ZNF431: variants seen among roughly 807,000 people sequenced by gnomAD.
ZNF431 encodes the protein zinc finger protein 431.
ZNF431 carries 34 observed loss-of-function variants against 57.0 expected under a neutral mutation model. The ratio of observed to expected loss-of-function variants is 0.60; its 90% CI spans 0.45 to 0.79. ZNF431 has a LOEUF of 0.79. ZNF431 is among the 30% of genes least tolerant of loss of function. The probability of loss-of-function intolerance (pLI) is 0.00; values close to 1 mark genes in which losing one functional copy is unlikely to be tolerated. For missense variants in ZNF431, 607 were observed against 667.1 expected (o/e 0.91, Z 0.99); for synonymous variants, 207 against 220.3 (o/e 0.94, Z 0.54).
chr19:21,172,590 C>G (rs1293612169), intron 4 of ZNF431, among the ~76,000 whole-genome samples: 2 of 152,042 alleles, frequency 1.3e-5, no homozygotes, highest in African/African-American at 4.8e-5. Context: ...CATTTGAGCC[C>G]CAAAGTTTGA....
chr19:21,151,646 G>A (rs942163670), intron 2 of ZNF431, among the ~76,000 whole-genome samples: 2 of 152,146 alleles, frequency 1.3e-5, no homozygotes, highest in African/African-American at 4.8e-5. Flanking sequence ...ACAAGGTGGA[G>A]CTTCCAAGGC....
chr19:21,183,169 G>T lies in ZNF431; in HGVS notation c.866G>T (p.Arg289Ile), dbSNP rs879123758. 6.2e-7 allele frequency: 1 copy of T among 1,609,854 alleles called. No homozygotes were observed. Among genetic ancestry groups the T allele is most frequent in the Admixed American group, 1.7e-5 (1 of 59,576 alleles). Reference protein sequence around the residue: ...KIIHTGEKPYRCEECGKAFNR... With the variant: ...KIIHTGEKPYICEECGKAFNR... The stretch of plus-strand genomic sequence containing the variant: ...ATTCATACTGGGGAGAAACCATATA[G>T]ATGTGAAGAATGTGGCAAAGCCTTC... Residue 289 changes from arginine to isoleucine, a missense_variant, in exon 5 of 5, where the codon AGA becomes ATA. Coordinates refer to ENST00000311048, the MANE Select transcript of ZNF431 (RefSeq NM_133473.4).
chr19:21,164,956 CA>C (rs1970676913), intron 2 of ZNF431, among the ~76,000 whole-genome samples: 1 of 150,928 alleles, frequency 6.6e-6, no homozygotes, highest in African/African-American at 2.5e-5. Context: ...ACTAAAAATA[CA>C]AAATTAGACA....
rs1206402697 is a variant in ZNF431 at position 21,190,518 on chromosome 19, T to TAGAAA, written c.*6485_*6486insGAAAA. The TAGAAA allele has an allele frequency of 2.6e-5, 4 of 152,190 alleles. No homozygotes were observed. Among genetic ancestry groups the TAGAAA allele is most frequent in the African/African-American group, 9.6e-5 (4 of 41,460 alleles). The allele number at this position is 152,190 out of a possible 1,614,324, so 9.4% of individuals were successfully genotyped here. A position where few individuals can be genotyped will look rare whatever the true frequency, so the allele number is the denominator to read the frequency against. On this transcript the variant is annotated 3_prime_UTR_variant, in exon 5 of 5. Transcript: ENST00000311048. ...TTTTTCTTTTTCTTTTAATAAGAGTTATTCTAACAGGAATGAGTTGATATA... is the reference window on the plus strand; with the variant it reads ...TTTTTCTTTTTCTTTTAATAAGAGTTAGAAAATTCTAACAGGAATGAGTTGATATA...
chr19:21,181,355 G>A (rs1971206176), intron 4 of ZNF431, among the ~76,000 whole-genome samples: 1 of 152,070 alleles, frequency 6.6e-6, no homozygotes, highest in South Asian at 2.1e-4. Flanking sequence ...CAGATATGCT[G>A]ATGGTATTAT....
chr19:21,161,964 G>A (rs752939485), intron 2 of ZNF431, among the ~76,000 whole-genome samples: 8 of 151,462 alleles, frequency 5.3e-5, no homozygotes, highest in Non-Finnish European at 1.0e-4. Context: ...TTCACCCCTT[G>A]TTTTTTGTTT....
At chr19:21,166,613 G>T (rs754604535) in intron 3 of ZNF431, 152 bp downstream of exon 3, 3 of 979,862 alleles carry the variant, frequency 3.1e-6, no homozygotes, top group Non-Finnish European at 4.4e-6. Flanking sequence ...GTGTGGAAAA[G>T]AATTTCTTCA....
In ZNF431 at chr19:21,191,790, A is replaced by T. The variant is rs1319656505; in HGVS notation, c.*7756A>T. ...ATACTGTTGGTTACCATAGCTATGT[A>T]GTGTATTTCAAAGTTAGTCACTTCT... On this transcript the variant is annotated 3_prime_UTR_variant, in exon 5 of 5. Coordinates refer to ENST00000311048, the MANE Select transcript of ZNF431 (RefSeq NM_133473.4). 1 of 152,074 alleles carries T rather than the reference A, an allele frequency of 6.6e-6. No individual in the cohort carries two copies. Among genetic ancestry groups the T allele is most frequent in the Non-Finnish European group, 1.5e-5 (1 of 68,018 alleles). 9.4% of individuals were successfully genotyped at this position (152,074 alleles called of 1,614,324 possible). A position where few individuals can be genotyped will look rare whatever the true frequency, so the allele number is the denominator to read the frequency against.
intron 2 of ZNF431, among the ~76,000 whole-genome samples, chr19:21,146,786 A>G (rs1970110385): frequency 6.6e-6 from 1 of 152,134 alleles, no homozygotes; most frequent in African/African-American, 2.4e-5. Context: ...TAGAATGCCT[A>G]ACCATCCAGG....
At chr19:21,165,616 A>C (rs1364790635) in intron 2 of ZNF431, among the ~76,000 whole-genome samples, 1 of 152,128 alleles carries the variant, frequency 6.6e-6, no homozygotes, top group Non-Finnish European at 1.5e-5. Context: ...CTATAGAGTT[A>C]ATTATTTTTA....
At chr19:21,163,544 C>T (rs150674740) in intron 2 of ZNF431, among the ~76,000 whole-genome samples, 45 of 152,238 alleles carry the variant, frequency 3.0e-4, no homozygotes, top group African/African-American at 1.0e-3. Flanking sequence ...TTTTTTGAGA[C>T]GGAGTCTCGC....
At position 21,183,120 on chromosome 19, in the gene ZNF431, T is replaced by A. The variant is rs375344529; in HGVS notation, c.817T>A (p.Ser273Thr). 1 of 1,613,784 alleles carries A rather than the reference T, an allele frequency of 6.2e-7. No homozygotes were observed. The highest frequency in any genetic ancestry group is 8.5e-7 in the Non-Finnish European group (1 of 1,179,932). Residue 273 changes from serine (S) to threonine (T), a missense_variant, in exon 5 of 5, where the codon TCA (serine) becomes ACA (threonine). Ser to Thr is a moderately conservative substitution (Grantham distance 58). Coordinates refer to ENST00000311048, the MANE Select transcript of ZNF431 (RefSeq NM_133473.4). Reference sequence around the variant, plus strand: ...ATGTGGCAAAGCTTTTAAGCAGTCCTCAACCCTTACTACACATAAGATAAT... The same window carrying A: ...ATGTGGCAAAGCTTTTAAGCAGTCCACAACCCTTACTACACATAAGATAAT... ...EECGKAFKQS[S>T]TLTTHKIIHT...
intron 2 of ZNF431, among the ~76,000 whole-genome samples, chr19:21,156,430 ATTGTGTCAT>A (rs1016112717): frequency 3.9e-5 from 6 of 152,038 alleles, no homozygotes; most frequent in Admixed American, 2.0e-4. Flanking sequence ...TATAGGTAAA[ATTGTGTCAT>A]GGGAGTTTGG....
intron 2 of ZNF431, among the ~76,000 whole-genome samples, chr19:21,166,134 A>G (rs1018459882): frequency 6.6e-6 from 1 of 151,928 alleles, no homozygotes; most frequent in Non-Finnish European, 1.5e-5. Flanking sequence ...GGTGTTGTGG[A>G]TCTTAGGCCA....
chr19:21,153,223 A>T (rs1434304889), intron 2 of ZNF431, among the ~76,000 whole-genome samples: 1 of 152,176 alleles, frequency 6.6e-6, no homozygotes, highest in South Asian at 2.1e-4. Flanking sequence ...CAGCTTCTAT[A>T]CTGCAAACTG....
At position 21,183,385 on chromosome 19, in the gene ZNF431, A is replaced by C. The variant is rs143967416; in HGVS notation, c.1082A>C (p.Lys361Thr). ...TTTAATCGATTCTCATACCTTACTA[A>C]ACATAAGATAATTCATACTGGAGAA... ...KAFNRFSYLT[K>T]HKIIHTGEKS... The change falls in exon 5 of 5, where the codon AAA becomes ACA. Residue 361 changes from lysine to threonine, a missense_variant. Lys to Thr is a moderately conservative substitution (Grantham distance 78). Transcript: ENST00000311048. 1.3e-3 allele frequency: 2,151 copies of C among 1,612,754 alleles called. No homozygotes were observed. Among genetic ancestry groups the C allele is most frequent in the Non-Finnish European group, 1.7e-3 (2,052 of 1,179,592 alleles).
At position 21,189,041 on chromosome 19, in the gene ZNF431, T is replaced by C. The variant is rs762054863; in HGVS notation, c.*5007T>C. On this transcript the variant is annotated 3_prime_UTR_variant, in exon 5 of 5. Coordinates refer to ENST00000311048, the MANE Select transcript of ZNF431 (RefSeq NM_133473.4). ...ATTTTTGATACTATTTAACCAAGAT[T>C]ATCACAAAGACACAGTATTTGACAC... The C allele has an allele frequency of 2.4e-4, 37 of 152,214 alleles. No individual in the cohort carries two copies. Among genetic ancestry groups the C allele is most frequent in the Non-Finnish European group, 3.8e-4 (26 of 68,034 alleles). 9.4% of individuals were successfully genotyped at this position (152,214 alleles called of 1,614,324 possible). A position where few individuals can be genotyped will look rare whatever the true frequency, so the allele number is the denominator to read the frequency against.
intron 4 of ZNF431, among the ~76,000 whole-genome samples, chr19:21,170,539 A>G (rs1440394058): frequency 1.3e-5 from 2 of 152,236 alleles, no homozygotes; most frequent in African/African-American, 4.8e-5. Flanking sequence ...CATATTACTA[A>G]GATGGTTACT....
In ZNF431 at chr19:21,156,488, C is replaced by T. The variant is rs965445095; in HGVS notation, c.97-9847C>T. Among the ~76,000 whole-genome samples, 7 of 152,114 alleles carry T rather than the reference C, an allele frequency of 4.6e-5. No homozygotes were observed. The South Asian group carries it at 6.2e-4, about 14-fold the overall frequency. ...GTCACTGAGGTACTAAGCGTAAAACCGAACAGGTATTTTTTTCTGATCCTT... is the reference window on the plus strand; with the variant it reads ...GTCACTGAGGTACTAAGCGTAAAACTGAACAGGTATTTTTTTCTGATCCTT... On this transcript the variant is annotated intron_variant, in intron 2 of 4. Coordinates refer to ENST00000311048, the MANE Select transcript of ZNF431 (RefSeq NM_133473.4).
Sources: gnomAD v4.1 joint callset for allele counts (sites outside exome capture counted in the v4.1 genomes callset) on GRCh38, gnomAD v4.1.1 for gene constraint, MANE v1.5 for transcripts, NCBI Gene and HGNC (gene_info 2026-07-23, HGNC 2026-07-21) for gene names.